Variants in RALGAPA2 observed in about 807,000 individuals in gnomAD.
RALGAPA2 encodes ral GTPase-activating protein subunit alpha-2.
In RALGAPA2, 139 loss-of-function variants were observed where a neutral mutation model predicts 230.4. The observed-to-expected ratio is 0.60, with a 90% CI of 0.53 to 0.69. The LOEUF (loss-of-function observed/expected upper bound fraction) is 0.69. Among genes scored for constraint, RALGAPA2 ranks in the 30% least tolerant of loss-of-function variants. The pLI is 0.00. For synonymous variants in RALGAPA2, 847 were observed against 837.8 expected, an observed-to-expected ratio of 1.01 and a Z score of -0.19; for missense variants, 2,163 against 2,276.0, an observed-to-expected ratio of 0.95 and a Z score of 1.01.
At chr20:20,669,657 C>T (rs2068069804) in intron 3 of RALGAPA2, among the ~76,000 whole-genome samples, 1 of 152,194 alleles carries the variant, frequency 6.6e-6, no homozygotes, top group Admixed American at 6.5e-5. Flanking sequence ...AATAAAAGCT[C>T]CTGCCCTCAG....
In RALGAPA2 at chr20:20,545,935, G is replaced by A. The variant is rs142554186; in HGVS notation, c.3285+769C>T. Among the ~76,000 whole-genome samples, 22 of 152,236 alleles carry A rather than the reference G, an allele frequency of 1.4e-4. No homozygotes were observed. In the East Asian group the frequency reaches 4.2e-3, roughly 29 times the overall value. On this transcript the variant is annotated intron_variant, in intron 24 of 39. Transcript: ENST00000202677. ...TTAAAAATCAGCCAGGCATAATGGC[G>A]TGTACCTGCAGTCCTAACTACTCAG...
At chr20:20,499,271 C>T (rs975166627) in intron 35 of RALGAPA2, among the ~76,000 whole-genome samples, 45 of 152,038 alleles carry the variant, frequency 3.0e-4, no homozygotes, top group African/African-American at 9.7e-4. Flanking sequence ...CAGGCCAAGT[C>T]TTAGAACATT....
At chr20:20,537,875 G>A (rs184286166) in intron 24 of RALGAPA2, among the ~76,000 whole-genome samples, 26 of 152,290 alleles carry the variant, frequency 1.7e-4, no homozygotes, top group Non-Finnish European at 3.2e-4. Context: ...CAATGAAGAA[G>A]AGGCTACTGT....
chr20:20,435,186 G>C (rs956565623), intron 37 of RALGAPA2, among the ~76,000 whole-genome samples: 21 of 152,232 alleles, frequency 1.4e-4, no homozygotes, highest in African/African-American at 2.4e-4. Flanking sequence ...CAGCCACCTG[G>C]GTGTTGATGC....
intron 12 of RALGAPA2, 140 bp from the exon 13 acceptor site, chr20:20,616,331 G>T: frequency 2.5e-6 from 2 of 787,348 alleles, no homozygotes; most frequent in East Asian, 2.9e-5. Flanking sequence ...AATAAGGCAA[G>T]TGGTACCAAC....
chr20:20,571,959 G>T lies in RALGAPA2; in HGVS notation c.2902-13C>A. 1 of 1,567,864 alleles carries T rather than the reference G, an allele frequency of 6.4e-7. No homozygotes were observed. Among genetic ancestry groups the T allele is most frequent in the Non-Finnish European group, 8.7e-7 (1 of 1,144,610 alleles). On this transcript the variant is annotated splice_polypyrimidine_tract_variant and intron_variant, in intron 21 of 39. Transcript: ENST00000202677. ...GATTATCCCGTATCTAATTCACAAAGAGGAGAATTTTAGGGTAGGTAACAT... is the reference window on the plus strand; with the variant it reads ...GATTATCCCGTATCTAATTCACAAATAGGAGAATTTTAGGGTAGGTAACAT...
At chr20:20,593,597 G>A (rs913801875) in intron 16 of RALGAPA2, among the ~76,000 whole-genome samples, 2 of 152,238 alleles carry the variant, frequency 1.3e-5, no homozygotes, top group East Asian at 1.9e-4. Flanking sequence ...GGTTAATCCA[G>A]TATCAGAAGG....
intron 37 of RALGAPA2, among the ~76,000 whole-genome samples, chr20:20,439,032 T>C (rs1286954731): frequency 3.3e-5 from 5 of 152,180 alleles, no homozygotes; most frequent in Non-Finnish European, 7.3e-5. Flanking sequence ...CCTGTACTAA[T>C]TACTTTTCGT....
In RALGAPA2 at chr20:20,656,003, A is replaced by G. The variant is rs148720488; in HGVS notation, c.271-2416T>C. Among the ~76,000 whole-genome samples, 1,112 of 152,294 alleles carry G rather than the reference A, an allele frequency of 7.3e-3. 11 individuals carry two copies. Among genetic ancestry groups the G allele is most frequent in the African/African-American group, 0.026 (1,068 of 41,556 alleles). ...ATCCTGCCATTTGAGGTGTCAAGGG[A>G]TGACCTTACTGGAAATGTTCTTCTA... On this transcript the variant is annotated intron_variant, in intron 3 of 39. Coordinates refer to ENST00000202677, the MANE Select transcript of RALGAPA2 (RefSeq NM_020343.4).
At chr20:20,663,391 T>C (rs902682360) in intron 3 of RALGAPA2, among the ~76,000 whole-genome samples, 3 of 152,198 alleles carry the variant, frequency 2.0e-5, no homozygotes, top group Admixed American at 6.5e-5. Context: ...ATATACACTG[T>C]GCACAAATTT....
chr20:20,499,644 CCAGCACGTGGT>C (rs1219781898), intron 35 of RALGAPA2, among the ~76,000 whole-genome samples: 1 of 152,184 alleles, frequency 6.6e-6, no homozygotes, highest in Non-Finnish European at 1.5e-5. Flanking sequence ...CGTGTGGGAA[CCAGCACGTGGT>C]CAGCGCTTCT....
intron 13 of RALGAPA2, among the ~76,000 whole-genome samples, chr20:20,614,673 C>T (rs997546187): frequency 6.6e-6 from 1 of 152,210 alleles, no homozygotes; most frequent in African/African-American, 2.4e-5. Context: ...TGTGAACTTT[C>T]TGCACACCAA....
At chr20:20,616,829 CTTAAGA>C (rs1285688048) in intron 12 of RALGAPA2, among the ~76,000 whole-genome samples, 1 of 152,120 alleles carries the variant, frequency 6.6e-6, no homozygotes, top group African/African-American at 2.4e-5. Flanking sequence ...TAAGTGAATT[CTTAAGA>C]TTAAAAGCTG....
chr20:20,504,567 CA>C (rs201806713), intron 34 of RALGAPA2, among the ~76,000 whole-genome samples: 1 of 150,842 alleles, frequency 6.6e-6, no homozygotes, highest in South Asian at 2.1e-4. Context: ...ACTAAAAATA[CA>C]AAAAAAAATC....
chr20:20,627,220 T>C (rs2066515873), intron 10 of RALGAPA2, among the ~76,000 whole-genome samples: 1 of 152,064 alleles, frequency 6.6e-6, no homozygotes. Flanking sequence ...TGAGCAAAAC[T>C]CCTGTGTGAC....
chr20:20,655,609 T>C (rs1603208312), intron 3 of RALGAPA2, among the ~76,000 whole-genome samples: 1 of 151,688 alleles, frequency 6.6e-6, no homozygotes, highest in East Asian at 1.9e-4. Context: ...GAGATGGGCC[T>C]GGAGAGGCAG....
chr20:20,587,123 A>C (rs993540922), intron 18 of RALGAPA2, among the ~76,000 whole-genome samples: 23 of 152,204 alleles, frequency 1.5e-4, no homozygotes, highest in African/African-American at 5.5e-4. Flanking sequence ...TCCTGCACCT[A>C]AATATACTAT....
intron 36 of RALGAPA2, among the ~76,000 whole-genome samples, chr20:20,479,942 C>A (rs777683332): frequency 6.6e-6 from 1 of 152,060 alleles, no homozygotes; most frequent in Non-Finnish European, 1.5e-5. Context: ...AATACATTCA[C>A]CAAAAATCCA....
intron 35 of RALGAPA2, among the ~76,000 whole-genome samples, chr20:20,498,172 C>T (rs966996825): frequency 2.6e-5 from 4 of 152,136 alleles, no homozygotes; most frequent in African/African-American, 9.7e-5. Flanking sequence ...AATTAGAAAC[C>T]CATCAGTGAG....
Sources: gnomAD v4.1 joint callset for allele counts (sites outside exome capture counted in the v4.1 genomes callset) on GRCh38, gnomAD v4.1.1 for gene constraint, MANE v1.5 for transcripts, NCBI Gene and HGNC (gene_info 2026-07-23, HGNC 2026-07-21) for gene names.